The following SNX29 variants were observed in gnomAD, a reference collection of about 807,000 sequenced individuals.
SNX29 encodes sorting nexin 29.
SNX29 carries 78 observed loss-of-function variants against 102.1 expected under a neutral mutation model. That is an observed-to-expected ratio of 0.76 (90% CI 0.64 to 0.92). SNX29 has a LOEUF of 0.92. Among genes scored for constraint, SNX29 ranks in the 40% least tolerant of loss-of-function variants. The pLI, the probability that SNX29 is intolerant of heterozygous loss-of-function variation, is 0.00. For synonymous variants in SNX29, 580 were observed against 414.5 expected (o/e 1.40, Z -4.85); for missense variants, 1,280 against 1,061.7 (o/e 1.21, Z -2.86).
intron 11 of SNX29, among the ~76,000 whole-genome samples, chr16:12,079,483 C>T (rs1387435669): frequency 6.6e-6 from 1 of 151,908 alleles, no homozygotes; most frequent in Non-Finnish European, 1.5e-5. Context: ...ATGGCCTCCC[C>T]TGGAGGCAGA....
At chr16:12,017,602 C>G (rs545725953) in intron 3 of SNX29, among the ~76,000 whole-genome samples, 1 of 152,262 alleles carries the variant, frequency 6.6e-6, no homozygotes, top group South Asian at 2.1e-4. Flanking sequence ...AGTACTGCAT[C>G]TTATCCTCAG....
chr16:12,549,577 C>T (rs1165626420), intron 20 of SNX29, among the ~76,000 whole-genome samples: 1 of 152,150 alleles, frequency 6.6e-6, no homozygotes, highest in African/African-American at 2.4e-5. Flanking sequence ...GGGACCCCAG[C>T]CCTAAGACCT....
chr16:12,542,665 G>T (rs2077394679), intron 20 of SNX29, among the ~76,000 whole-genome samples: 1 of 152,196 alleles, frequency 6.6e-6, no homozygotes, highest in Admixed American at 6.5e-5. Flanking sequence ...TTTGAAGGCA[G>T]CGTGTTGGGA....
At chr16:12,316,044 C>T (rs918444063) in intron 15 of SNX29, among the ~76,000 whole-genome samples, 2 of 152,108 alleles carry the variant, frequency 1.3e-5, no homozygotes, top group Non-Finnish European at 2.9e-5. Context: ...GAAGAAGGCA[C>T]GGGGTGATGT....
At chr16:12,228,169 C>T (rs1315750328) in intron 14 of SNX29, among the ~76,000 whole-genome samples, 1 of 152,170 alleles carries the variant, frequency 6.6e-6, no homozygotes, top group Non-Finnish European at 1.5e-5. Context: ...TAACAAGGCC[C>T]CCAGCCGAGC....
chr16:12,430,200 C>A (rs75742503), intron 18 of SNX29, among the ~76,000 whole-genome samples: 1,777 of 152,188 alleles, frequency 0.012, 43 homozygotes, highest in African/African-American at 0.038. Context: ...CCATCAGTTC[C>A]CCCCCCAGCC....
chr16:12,188,321 A>G (rs2076562735), intron 13 of SNX29, among the ~76,000 whole-genome samples: 1 of 152,250 alleles, frequency 6.6e-6, no homozygotes, highest in South Asian at 2.1e-4. Flanking sequence ...AGAGAGGTTA[A>G]GCAACTTGCC....
At chr16:12,209,627 T>C (rs1221148223) in intron 14 of SNX29, among the ~76,000 whole-genome samples, 2 of 152,026 alleles carry the variant, frequency 1.3e-5, no homozygotes, top group Non-Finnish European at 2.9e-5. Context: ...GAAGGGATGC[T>C]CCTGGGCCAC....
intron 20 of SNX29, among the ~76,000 whole-genome samples, chr16:12,533,918 A>G (rs1275020385): frequency 1.3e-5 from 2 of 152,224 alleles, no homozygotes; most frequent in Non-Finnish European, 2.9e-5. Context: ...ATCTTCATAT[A>G]AAATCTGATG....
At chr16:12,277,867 T>C in intron 14 of SNX29, 66 bp from the exon 15 acceptor site, 1 of 1,438,912 alleles carries the variant, frequency 6.9e-7, no homozygotes, top group African/African-American at 1.4e-5. Flanking sequence ...ATTTTTTCTT[T>C]TTTTACTGGG....
At chr16:12,514,814 G>A (rs543231942) in intron 19 of SNX29, among the ~76,000 whole-genome samples, 15 of 152,086 alleles carry the variant, frequency 9.9e-5, no homozygotes, top group Admixed American at 1.3e-4. Context: ...GCAGTGAGCC[G>A]AGATTGTGCC....
intron 20 of SNX29, among the ~76,000 whole-genome samples, chr16:12,543,151 C>T (rs145473797): frequency 4.6e-5 from 7 of 152,270 alleles, no homozygotes; most frequent in African/African-American, 1.7e-4. Context: ...GGCCCTGAAG[C>T]ATAAGTGTTC....
intron 13 of SNX29, among the ~76,000 whole-genome samples, chr16:12,185,315 G>T (rs999456358): frequency 1.1e-4 from 17 of 152,320 alleles, no homozygotes; most frequent in African/African-American, 3.8e-4. Context: ...AGTCCTTAGT[G>T]CCAGCCCTGG....
At chr16:12,118,959 G>A (rs1160375748) in intron 11 of SNX29, among the ~76,000 whole-genome samples, 3 of 152,118 alleles carry the variant, frequency 2.0e-5, no homozygotes, top group Admixed American at 6.5e-5. Context: ...TGTAAAAATG[G>A]CGGTGCAAAT....
chr16:12,238,303 CTTT>C (rs5815674), intron 14 of SNX29, among the ~76,000 whole-genome samples: 20 of 137,772 alleles, frequency 1.5e-4, no homozygotes, highest in African/African-American at 3.5e-4. Context: ...TGGATGGGCA[CTTT>C]TTTTTTTTTT....
At chr16:12,060,908 G>T in intron 8 of SNX29, 1 of 455,844 alleles carries the variant, frequency 2.2e-6, no homozygotes. Context: ...TTCTTGGAAG[G>T]GACCCAGACG....
At chr16:12,139,419 G>GCA (rs2054787967) in intron 13 of SNX29, among the ~76,000 whole-genome samples, 1 of 152,180 alleles carries the variant, frequency 6.6e-6, no homozygotes, top group East Asian at 1.9e-4. Context: ...CTTGCACCTA[G>GCA]CACAGTGCCT....
chr16:12,455,174 A>C (rs1177127372), intron 18 of SNX29, among the ~76,000 whole-genome samples: 1 of 152,094 alleles, frequency 6.6e-6, no homozygotes, highest in African/African-American at 2.4e-5. Context: ...AGACGACCTG[A>C]GTCTGTTAGC....
intron 18 of SNX29, among the ~76,000 whole-genome samples, chr16:12,470,806 A>G (rs6498308): frequency 0.65 from 98,858 of 152,130 alleles, 33,185 homozygotes; most frequent in African/African-American, 0.82. Context: ...GGAAGTTCAT[A>G]TACACAAAGG....
Sources: gnomAD v4.1 joint callset for allele counts (sites outside exome capture counted in the v4.1 genomes callset) on GRCh38, gnomAD v4.1.1 for gene constraint, MANE v1.5 for transcripts, NCBI Gene and HGNC (gene_info 2026-07-23, HGNC 2026-07-21) for gene names.